ZFHX3: variants seen among roughly 807,000 people sequenced by gnomAD.
ZFHX3 encodes the protein zinc finger homeobox protein 3.
In ZFHX3, 42 loss-of-function variants were observed where a neutral mutation model predicts 279.1. The ratio of observed to expected loss-of-function variants is 0.15; its 90% CI spans 0.12 to 0.19. The LOEUF (loss-of-function observed/expected upper bound fraction) is 0.19, where lower values mean the gene tolerates loss of function less well. ZFHX3 is among the 10% of genes least tolerant of loss of function. The pLI, the probability that ZFHX3 is intolerant of heterozygous loss-of-function variation, is 1.00. For missense variants in ZFHX3, 4,981 were observed against 4,754.0 expected (o/e 1.05, Z -1.40); for synonymous variants, 2,293 against 1,957.8 (o/e 1.17, Z -4.52).
intron 3 of ZFHX3, among the ~76,000 whole-genome samples, chr16:72,895,069 C>T (rs542753435): frequency 4.5e-4 from 68 of 152,284 alleles, no homozygotes; most frequent in Admixed American, 1.6e-3. Flanking sequence ...GCCCATTTGG[C>T]GGGGGTTTGT....
chr16:72,783,645 G>A lies in ZFHX3; in HGVS notation c.*3519C>T, dbSNP rs1324503727. The A allele has an allele frequency of 6.6e-6, 1 of 150,732 alleles. No individual in the cohort carries two copies. The allele number at this position is 150,732 out of a possible 1,614,324, so 9.3% of individuals were successfully genotyped here. On this transcript the variant is annotated 3_prime_UTR_variant, in exon 10 of 10. Transcript: ENST00000268489. ...TCCTTGTGTAGATATGTGGTTTTTG[G>A]AAGGATGGAGGAAAGATGGATGAAA...
chr16:73,335,449 G>C (rs1001568176), intron 3 of ZFHX3, among the ~76,000 whole-genome samples: 2 of 152,174 alleles, frequency 1.3e-5, no homozygotes, highest in Non-Finnish European at 2.9e-5. Flanking sequence ...CAGGAGTAAA[G>C]TTTCCGCTGC....
At chr16:73,565,502 C>T (rs116328048) in intron 2 of ZFHX3, among the ~76,000 whole-genome samples, 245 of 152,234 alleles carry the variant, frequency 1.6e-3, no homozygotes, top group African/African-American at 5.7e-3. Context: ...GTCCTTTTCC[C>T]GAAAGGTTAC....
At chr16:73,452,342 C>T (rs565416574) in intron 3 of ZFHX3, among the ~76,000 whole-genome samples, 1 of 152,230 alleles carries the variant, frequency 6.6e-6, no homozygotes, top group East Asian at 1.9e-4. Flanking sequence ...TAATTTACTG[C>T]TTTAAAAACA....
intron 2 of ZFHX3, among the ~76,000 whole-genome samples, chr16:73,476,188 A>G (rs908204316): frequency 3.9e-5 from 6 of 152,138 alleles, no homozygotes; most frequent in African/African-American, 1.4e-4. Context: ...TGAGCACTCT[A>G]TTCTTTTGAG....
chr16:73,842,377 A>G (rs531653062), intron 1 of ZFHX3, among the ~76,000 whole-genome samples: 1 of 151,998 alleles, frequency 6.6e-6, no homozygotes, highest in South Asian at 2.1e-4. Flanking sequence ...GGTGGGAAGG[A>G]ATTACCCCCC....
chr16:73,621,347 C>G (rs187066521), intron 2 of ZFHX3, among the ~76,000 whole-genome samples: 1 of 152,258 alleles, frequency 6.6e-6, no homozygotes, highest in African/African-American at 2.4e-5. Flanking sequence ...TCCCCAGGTG[C>G]TACAAATGTT....
intron 1 of ZFHX3, chr16:73,680,245 A>G (rs1381311365): frequency 7.0e-6 from 1 of 143,234 alleles, no homozygotes; most frequent in Non-Finnish European, 1.6e-5. Flanking sequence ...AGAAGCCTGT[A>G]AATATGAAAA....
intron 1 of ZFHX3, among the ~76,000 whole-genome samples, chr16:72,962,094 C>A (rs981629223): frequency 6.6e-6 from 1 of 152,118 alleles, no homozygotes; most frequent in Admixed American, 6.5e-5. Flanking sequence ...GTTAACAGCC[C>A]GATTGTAAAA....
At chr16:73,773,420 C>T (rs1257840493) in intron 1 of ZFHX3, among the ~76,000 whole-genome samples, 3 of 152,178 alleles carry the variant, frequency 2.0e-5, no homozygotes, top group Non-Finnish European at 4.4e-5. Flanking sequence ...TGGTCCTCAC[C>T]TTTATGCATC....
intron 2 of ZFHX3, among the ~76,000 whole-genome samples, chr16:73,544,391 C>T (rs947577508): frequency 1.3e-5 from 2 of 152,164 alleles, no homozygotes; most frequent in Admixed American, 6.5e-5. Context: ...GTTTAAAAGC[C>T]CACCAATCAG....
Position 73,491,827 on chromosome 16 carries a change from C to T in ZFHX3, c.-1546-35569G>A, listed in dbSNP as rs116960250. 3.9e-3 allele frequency among the ~76,000 whole-genome samples: 594 copies of T among 152,222 alleles called. 13 individuals are homozygous for T. The highest frequency in any genetic ancestry group is 0.029 in the Admixed American group (447 of 15,256). On this transcript the variant is annotated intron_variant, in intron 2 of 17. Coordinates refer to the ZFHX3 transcript ENST00000641206. The stretch of plus-strand genomic sequence containing the variant: ...GGTAAAGGCCACGGATGCTGCTAAA[C>T]ATCCTAAATGCACAAATCAGACACC...
At chr16:73,022,656 A>G (rs754757604) in intron 1 of ZFHX3, among the ~76,000 whole-genome samples, 4 of 152,132 alleles carry the variant, frequency 2.6e-5, no homozygotes, top group Non-Finnish European at 5.9e-5. Flanking sequence ...TTTCAGTCCA[A>G]TGACGGCCCA....
chr16:73,145,863 G>A (rs919413433), intron 5 of ZFHX3, among the ~76,000 whole-genome samples: 1 of 152,236 alleles, frequency 6.6e-6, no homozygotes, highest in African/African-American at 2.4e-5. Context: ...GTCCAAGACA[G>A]TTCAGCGAAC....
intron 4 of ZFHX3, among the ~76,000 whole-genome samples, chr16:72,883,393 A>G (rs1478299742): frequency 6.6e-6 from 1 of 152,152 alleles, no homozygotes; most frequent in Non-Finnish European, 1.5e-5. Flanking sequence ...TGATTCTGCT[A>G]AAATCTCTAT....
At chr16:73,715,554 C>T in intron 1 of ZFHX3, among the ~76,000 whole-genome samples, 1 of 145,400 alleles carries the variant, frequency 6.9e-6, no homozygotes, top group Non-Finnish European at 1.5e-5. Flanking sequence ...GCAAGTACCA[C>T]AGCTGGTCTT....
intron 3 of ZFHX3, chr16:73,421,113 A>G (rs558271448): frequency 6.6e-6 from 1 of 152,272 alleles, no homozygotes; most frequent in South Asian, 2.1e-4. Flanking sequence ...ACCACAGCAG[A>G]AGTGGGATGT....
intron 1 of ZFHX3, among the ~76,000 whole-genome samples, chr16:72,965,471 T>C (rs1961793352): frequency 2.0e-5 from 3 of 152,112 alleles, no homozygotes; most frequent in Non-Finnish European, 4.4e-5. Flanking sequence ...AGGTCCAATA[T>C]CCTGATTTTT....
chr16:72,892,307 A>G (rs1334301991), intron 3 of ZFHX3, among the ~76,000 whole-genome samples: 2 of 152,166 alleles, frequency 1.3e-5, no homozygotes, highest in Non-Finnish European at 1.5e-5. Flanking sequence ...GGCACCAAGA[A>G]AGAACAATCC....
Sources: allele counts gnomAD v4.1 joint callset (sites outside exome capture counted in the v4.1 genomes callset), GRCh38; gene constraint gnomAD v4.1.1; transcripts MANE v1.5; gene names NCBI Gene and HGNC (gene_info 2026-07-23, HGNC 2026-07-21).